The following KANK1 variants were observed in gnomAD, a reference collection of about 807,000 sequenced individuals.
KANK1 encodes KN motif and ankyrin repeat domains 1, also known as KN motif and ankyrin repeat domain-containing protein 1.
In KANK1, 109 loss-of-function variants were observed where a neutral mutation model predicts 106.2. That is an observed-to-expected ratio of 1.03 (90% CI 0.88 to 1.20). KANK1 has a LOEUF of 1.20. Among genes scored for constraint, KANK1 ranks in the 50% most tolerant of loss-of-function variants. The probability of loss-of-function intolerance (pLI) is 0.00; values close to 1 mark genes in which losing one functional copy is unlikely to be tolerated. For synonymous variants in KANK1, 873 were observed against 652.2 expected (o/e 1.34, Z -5.16); for missense variants, 2,399 against 1,710.7 (o/e 1.40, Z -7.10).
In KANK1 at chr9:598,620, C is replaced by CTTTTTTTTTTTTTTTTTTTTTTTTT. The variant is rs3028166; in HGVS notation, c.-83-78264_-83-78240dup. Among the ~76,000 whole-genome samples the CTTTTTTTTTTTTTTTTTTTTTTTTT allele has an allele frequency of 3.4e-4, 16 of 46,680 alleles. 7 individuals are homozygous for CTTTTTTTTTTTTTTTTTTTTTTTTT. Among genetic ancestry groups the CTTTTTTTTTTTTTTTTTTTTTTTTT allele is most frequent in the Non-Finnish European group, 6.0e-4 (14 of 23,144 alleles). The allele number at this position is 46,680 out of a possible 152,430, so 30.6% of individuals were successfully genotyped here. ...TTTTTTGTTTTGTTTTGTTGGTTTT[C>CTTTTTTTTTTTTTTTTTTTTTTTTT]TTTTTTTTTTTTTTTTTTTTTTTTT... On this transcript the variant is annotated intron_variant, in intron 1 of 11. Transcript: ENST00000382297.
rs763240258 is a variant in KANK1, at chr9:711,381, C to G, written c.615C>G (p.His205Gln). 3 of 1,614,148 alleles carry G rather than the reference C, an allele frequency of 1.9e-6. No homozygotes were observed. In the East Asian group the frequency reaches 6.7e-5, roughly 36 times the overall value. The change falls in exon 3 of 12, where the codon CAC (histidine) becomes CAG (glutamine). Residue 205 changes from histidine to glutamine, a missense_variant. His to Gln is a conservative substitution (Grantham distance 24). Transcript: ENST00000382297. The stretch of plus-strand genomic sequence containing the variant: ...CTTCTTTTGTGGGTTCTGGAAACCA[C>G]AATCCTGCCAAGCACCAGCTTCAGA... The part of the protein sequence containing the change: ...SLPSFVGSGN[H>Q]NPAKHQLQNG...
At chr9:474,226 C>G (rs1587174605) in intron 3 of KANK1, among the ~76,000 whole-genome samples, 1 of 152,166 alleles carries the variant, frequency 6.6e-6, no homozygotes, top group Non-Finnish European at 1.5e-5. Flanking sequence ...GACATTGAGT[C>G]TAAATGCTGT....
intron 1 of KANK1, among the ~76,000 whole-genome samples, chr9:565,100 T>C (rs1440814108): frequency 1.3e-5 from 2 of 152,220 alleles, no homozygotes; most frequent in East Asian, 3.8e-4. Context: ...TCCCCTTTTC[T>C]TCCTTTGCAA....
intron 2 of KANK1, among the ~76,000 whole-genome samples, chr9:698,516 C>G (rs1162937541): frequency 6.6e-6 from 1 of 152,040 alleles, no homozygotes; most frequent in East Asian, 1.9e-4. Context: ...GGTAACAGAG[C>G]CCTAGAAGAC....
chr9:698,743 A>G (rs553724847), intron 2 of KANK1, among the ~76,000 whole-genome samples: 1 of 152,310 alleles, frequency 6.6e-6, no homozygotes, highest in South Asian at 2.1e-4. Flanking sequence ...TAAAATTCAT[A>G]TGGTGCAAAG....
Position 604,457 on chromosome 9 carries a change from C to G in KANK1, c.-83-72433C>G, listed in dbSNP as rs1056393621. On this transcript the variant is annotated intron_variant, in intron 1 of 11. Transcript: ENST00000382297. Reference sequence around the variant, plus strand: ...TTTAAAAGTGTTTGGCAGTTTCACCCTTGCACCCATGTCTCTCTCTGTCTC... The same window carrying G: ...TTTAAAAGTGTTTGGCAGTTTCACCGTTGCACCCATGTCTCTCTCTGTCTC... Among the ~76,000 whole-genome samples the G allele has an allele frequency of 1.3e-4, 19 of 151,890 alleles. 1 individual carries two copies. The highest frequency in any genetic ancestry group is 4.6e-4 in the African/African-American group (19 of 41,184).
intron 1 of KANK1, among the ~76,000 whole-genome samples, chr9:582,892 A>C (rs780087835): frequency 7.9e-5 from 12 of 152,248 alleles, no homozygotes; most frequent in Non-Finnish European, 1.5e-4. Flanking sequence ...GCCGGTGAAG[A>C]ACCTTTAATG....
At chr9:493,314 C>G (rs1263749137) in intron 3 of KANK1, among the ~76,000 whole-genome samples, 1 of 152,126 alleles carries the variant, frequency 6.6e-6, no homozygotes, top group Admixed American at 6.5e-5. Context: ...AAACCTTTTG[C>G]CAGCAACCAT....
intron 1 of KANK1, among the ~76,000 whole-genome samples, chr9:570,910 T>C (rs1239174604): frequency 6.6e-6 from 1 of 152,242 alleles, no homozygotes; most frequent in Non-Finnish European, 1.5e-5. Context: ...GCAGTGAATA[T>C]ATTTGTGCTG....
At chr9:644,164 T>C (rs1839144050) in intron 1 of KANK1, among the ~76,000 whole-genome samples, 1 of 151,022 alleles carries the variant, frequency 6.6e-6, no homozygotes, top group Admixed American at 6.6e-5. Flanking sequence ...TCTTAATCTC[T>C]ATAACAGAGG....
rs1229413484 is a variant in KANK1 at position 745,507 on chromosome 9, A to G, written c.*272A>G. On this transcript the variant is annotated 3_prime_UTR_variant, in exon 12 of 12. Transcript: ENST00000382297. ...GCTCCGTTTTGTACAGTCACAGGGA[A>G]TTCTGATCTGAAGGGGCACCTTCTG... The G allele has an allele frequency of 3.3e-6, 1 of 305,448 alleles. No individual in the cohort carries two copies. The highest frequency in any genetic ancestry group is 6.0e-6 in the Non-Finnish European group (1 of 166,140). 18.9% of individuals were successfully genotyped at this position (305,448 alleles called of 1,614,324 possible).
intron 1 of KANK1, among the ~76,000 whole-genome samples, chr9:592,941 C>G (rs2135593033): frequency 6.6e-6 from 1 of 151,986 alleles, no homozygotes; most frequent in East Asian, 1.9e-4. Context: ...CATGAGCATG[C>G]TGGTTCAATA....
At chr9:638,739 C>G (rs939567748) in intron 1 of KANK1, among the ~76,000 whole-genome samples, 3 of 152,126 alleles carry the variant, frequency 2.0e-5, no homozygotes, top group African/African-American at 4.8e-5. Context: ...CACTTGGTTC[C>G]TTCTAATTCT....
intron 3 of KANK1, among the ~76,000 whole-genome samples, chr9:479,691 A>G (rs998627197): frequency 1.3e-5 from 2 of 152,226 alleles, no homozygotes; most frequent in Admixed American, 6.5e-5. Flanking sequence ...TGTGAGGACT[A>G]CAGCTGAAGG....
At chr9:557,853 A>T (rs1815251065) in intron 1 of KANK1, among the ~76,000 whole-genome samples, 1 of 152,214 alleles carries the variant, frequency 6.6e-6, no homozygotes, top group East Asian at 1.9e-4. Flanking sequence ...TGGTTTAATT[A>T]AATTAGCTGG....
chr9:513,607 T>A (rs2059128550), intron 1 of KANK1, among the ~76,000 whole-genome samples: 1 of 152,252 alleles, frequency 6.6e-6, no homozygotes, highest in Non-Finnish European at 1.5e-5. Flanking sequence ...TTTGTCTTAC[T>A]AATAAAATTT....
At chr9:703,527 A>G (rs532676632) in intron 2 of KANK1, among the ~76,000 whole-genome samples, 1 of 152,128 alleles carries the variant, frequency 6.6e-6, no homozygotes, top group Non-Finnish European at 1.5e-5. Flanking sequence ...CATTCAAAAA[A>G]TTTTTGTAAA....
chr9:482,458 A>G (rs957254171), intron 3 of KANK1, among the ~76,000 whole-genome samples: 5 of 152,146 alleles, frequency 3.3e-5, no homozygotes, highest in East Asian at 3.9e-4. Context: ...CAGGGCATGC[A>G]TGCCCTCCCT....
chr9:627,188 T>C (rs1384766132), intron 1 of KANK1, among the ~76,000 whole-genome samples: 6 of 152,174 alleles, frequency 3.9e-5, no homozygotes, highest in South Asian at 2.1e-4. Flanking sequence ...TGTCCTACTC[T>C]TCATTTTATG....
Sources: gnomAD v4.1 joint callset for allele counts (sites outside exome capture counted in the v4.1 genomes callset) on GRCh38, gnomAD v4.1.1 for gene constraint, MANE v1.5 for transcripts, NCBI Gene and HGNC (gene_info 2026-07-23, HGNC 2026-07-21) for gene names.